Variants in CSMD1 observed in about 807,000 individuals in gnomAD.
CSMD1 encodes CUB and sushi domain-containing protein 1.
In CSMD1, 213 loss-of-function variants were observed where a neutral mutation model predicts 417.5. That is an observed-to-expected ratio of 0.51 (90% CI 0.46 to 0.57). The LOEUF (loss-of-function observed/expected upper bound fraction) is 0.57, where lower values mean the gene tolerates loss of function less well. Ranked by LOEUF, CSMD1 falls within the 20% of genes least tolerant of loss-of-function variation. CSMD1 has a pLI of 0.00. For synonymous variants in CSMD1, 2,862 were observed against 1,736.8 expected, an observed-to-expected ratio of 1.65 and a Z score of -16.11; for missense variants, 6,923 against 4,529.7, an observed-to-expected ratio of 1.53 and a Z score of -15.17.
intron 7 of CSMD1, among the ~76,000 whole-genome samples, chr8:3,625,973 T>C (rs552482886): frequency 1.3e-5 from 2 of 152,198 alleles, no homozygotes; most frequent in Admixed American, 6.5e-5. Flanking sequence ...AAGATGTTTA[T>C]TTACTATACA....
chr8:3,238,247 G>T lies in CSMD1; in HGVS notation c.4154-8016C>A, dbSNP rs546108198. Among the ~76,000 whole-genome samples the T allele has an allele frequency of 1.7e-4, 26 of 152,090 alleles. No individual in the cohort carries two copies. The East Asian group carries it at 4.7e-3, about 27-fold the overall frequency. ...TTGAGCCAGGATGAGCCAGGAGAAGGAATTTCACAAGATAATGTCATCAGT... is the reference window on the plus strand; with the variant it reads ...TTGAGCCAGGATGAGCCAGGAGAAGTAATTTCACAAGATAATGTCATCAGT... On this transcript the variant is annotated intron_variant, in intron 26 of 69. Transcript: ENST00000635120.
At chr8:3,846,427 C>T (rs1005669625) in intron 5 of CSMD1, among the ~76,000 whole-genome samples, 1 of 152,054 alleles carries the variant, frequency 6.6e-6, no homozygotes, top group Admixed American at 6.6e-5. Flanking sequence ...TGATTAGCCC[C>T]AACTGATCAA....
At chr8:3,761,313 C>T (rs1373513347) in intron 5 of CSMD1, among the ~76,000 whole-genome samples, 1 of 152,044 alleles carries the variant, frequency 6.6e-6, no homozygotes, top group Non-Finnish European at 1.5e-5. Flanking sequence ...TACACACGCA[C>T]ATACACATAT....
rs564537535 is a variant in CSMD1 at position 4,160,653 on chromosome 8, T to A, written c.416-128554A>T. On this transcript the variant is annotated intron_variant, in intron 3 of 69. Coordinates refer to ENST00000635120, the MANE Select transcript of CSMD1 (RefSeq NM_033225.6). ...GACACTCTGGAAGTCTTTGTACTTG[T>A]GTGTGCACAGACACATGTCCACGCA... Among the ~76,000 whole-genome samples, 4 of 152,384 alleles carry A rather than the reference T, an allele frequency of 2.6e-5. No homozygotes were observed. The South Asian group carries it at 8.3e-4, about 32-fold the overall frequency.
At chr8:4,522,425 C>G (rs1161210342) in intron 2 of CSMD1, among the ~76,000 whole-genome samples, 1 of 152,086 alleles carries the variant, frequency 6.6e-6, no homozygotes, top group Non-Finnish European at 1.5e-5. Context: ...TCAGAAAGTT[C>G]ATTACAAATC....
At chr8:3,061,683 A>C (rs1483543782) in intron 49 of CSMD1, among the ~76,000 whole-genome samples, 1 of 152,228 alleles carries the variant, frequency 6.6e-6, no homozygotes, top group Non-Finnish European at 1.5e-5. Flanking sequence ...TAGAAATGAC[A>C]AAGTTATAGC....
At chr8:3,052,776 T>C in intron 49 of CSMD1, 129 bp from the exon 50 acceptor site, 1 of 632,856 alleles carries the variant, frequency 1.6e-6, no homozygotes, top group South Asian at 3.0e-5. Context: ...TATTTCTTTT[T>C]TTTTCTTTCT....
chr8:4,155,639 G>A (rs1442991017), intron 3 of CSMD1, among the ~76,000 whole-genome samples: 2 of 152,086 alleles, frequency 1.3e-5, no homozygotes, highest in East Asian at 1.9e-4. Flanking sequence ...TTGGTTAGCT[G>A]ATGACATAAT....
At chr8:4,221,022 G>A (rs1376486171) in intron 3 of CSMD1, among the ~76,000 whole-genome samples, 5 of 152,132 alleles carry the variant, frequency 3.3e-5, no homozygotes, top group Admixed American at 6.5e-5. Context: ...GCAGGAGGAG[G>A]CCAGTGATTG....
chr8:3,677,454 G>C (rs1162996859), intron 7 of CSMD1, among the ~76,000 whole-genome samples: 1 of 152,196 alleles, frequency 6.6e-6, no homozygotes, highest in Non-Finnish European at 1.5e-5. Flanking sequence ...TGTCAGGAAA[G>C]TCCTGGGTGA....
intron 8 of CSMD1, among the ~76,000 whole-genome samples, chr8:3,606,805 G>C (rs1801640713): frequency 6.6e-6 from 1 of 151,638 alleles, no homozygotes; most frequent in South Asian, 2.1e-4. Flanking sequence ...CCACTTCCTG[G>C]GTTCAAGTGA....
At chr8:4,276,798 T>C (rs1796513886) in intron 3 of CSMD1, among the ~76,000 whole-genome samples, 1 of 152,088 alleles carries the variant, frequency 6.6e-6, no homozygotes, top group Admixed American at 6.6e-5. Flanking sequence ...AATAGAACAG[T>C]GGTTTTCCCT....
intron 2 of CSMD1, among the ~76,000 whole-genome samples, chr8:4,456,944 C>G (rs544597857): frequency 6.7e-6 from 1 of 148,952 alleles, no homozygotes; most frequent in South Asian, 2.1e-4. Context: ...CATGGCAATT[C>G]CTCTGATTTA....
intron 1 of CSMD1, among the ~76,000 whole-genome samples, chr8:4,980,727 A>C (rs1225927707): frequency 6.6e-6 from 1 of 151,990 alleles, no homozygotes; most frequent in Non-Finnish European, 1.5e-5. Flanking sequence ...ACAGGACAAG[A>C]CCCTGTCTCT....
At chr8:4,110,338 T>C (rs1379064824) in intron 3 of CSMD1, among the ~76,000 whole-genome samples, 6 of 152,178 alleles carry the variant, frequency 3.9e-5, no homozygotes, top group Admixed American at 3.9e-4. Context: ...TTTTGGCCTC[T>C]AACTTCAGCC....
intron 2 of CSMD1, among the ~76,000 whole-genome samples, chr8:4,430,716 G>T (rs895858612): frequency 6.6e-6 from 1 of 152,000 alleles, no homozygotes; most frequent in East Asian, 1.9e-4. Context: ...AATCTAAAGA[G>T]ATTTTGCCCC....
Position 3,753,973 on chromosome 8 carries a change from A to G in CSMD1, c.888T>C (p.Ser296=), listed in dbSNP as rs1187023359. 3 of 1,612,922 alleles carry G rather than the reference A, an allele frequency of 1.9e-6. No individual in the cohort carries two copies. Among genetic ancestry groups the G allele is most frequent in the East Asian group, 4.5e-5 (2 of 44,822 alleles). ...ATCCTTTGCGTCGGTGGTTGCTGTC[A>G]GAGGTGAAATGGAGTCGTAGCCAAT... is the stretch of plus-strand genomic sequence containing the variant. ...SKNWLRLHFT[S]DSNHRRKGFN... is the part of the protein sequence containing the mutation. The change falls in exon 6 of 70, where the codon TCT becomes TCC. Residue 296 remains serine, a synonymous_variant. Transcript: ENST00000635120.
Position 3,151,393 on chromosome 8 carries a change from T to C in CSMD1, c.6031+4A>G. 1 of 1,590,586 alleles carries C rather than the reference T, an allele frequency of 6.3e-7. No homozygotes were observed. Among genetic ancestry groups the C allele is most frequent in the South Asian group, 1.1e-5 (1 of 89,724 alleles). Reference sequence around the variant, plus strand: ...TTTTAGGAATTGGTAACATTTTCACTTACCATAGCCGATGGGTAATGAGAT... The same window carrying C: ...TTTTAGGAATTGGTAACATTTTCACCTACCATAGCCGATGGGTAATGAGAT... On this transcript the variant is annotated splice_donor_region_variant and intron_variant, in intron 40 of 69. Coordinates refer to ENST00000635120, the MANE Select transcript of CSMD1 (RefSeq NM_033225.6).
chr8:4,179,195 A>ACCAAAACAGCATGGTACTGGC (rs1798219393), intron 3 of CSMD1, among the ~76,000 whole-genome samples: 1 of 151,168 alleles, frequency 6.6e-6, no homozygotes, highest in African/African-American at 2.5e-5. Context: ...AGGCTACAGA[A>ACCAAAACAGCATGGTACTGGC]ACCAAAACAG....
Sources: gnomAD v4.1 joint callset for allele counts (sites outside exome capture counted in the v4.1 genomes callset) on GRCh38, gnomAD v4.1.1 for gene constraint, MANE v1.5 for transcripts, NCBI Gene and HGNC (gene_info 2026-07-23, HGNC 2026-07-21) for gene names.